The following RNF126 variants were observed in gnomAD, a reference collection of about 807,000 sequenced individuals.
RNF126 encodes the protein ring finger protein 126, also known as E3 ubiquitin-protein ligase RNF126.
Under a neutral mutation model 41.9 loss-of-function variants are expected in RNF126, and 20 were observed. The observed-to-expected ratio is 0.48, with a 90% CI of 0.34 to 0.69. The LOEUF is 0.69. Among genes scored for constraint, RNF126 ranks in the 30% least tolerant of loss-of-function variants. RNF126 has a pLI of 0.01. For missense variants in RNF126, 433 were observed against 460.6 expected (o/e 0.94, Z 0.55); for synonymous variants, 239 against 202.9 (o/e 1.18, Z -1.51).
intron 7 of RNF126, 28 bp downstream of exon 7, chr19:648,854 C>G: frequency 7.4e-7 from 1 of 1,342,874 alleles, no homozygotes; most frequent in Non-Finnish European, 1.0e-6. Context: ...CTGTAATTCC[C>G]ACTACTCGGG....
At position 648,356 on chromosome 19, in the gene RNF126, T is replaced by TG; in HGVS notation, c.786+15dup. 4 of 174,898 alleles carry TG rather than the reference T, an allele frequency of 2.3e-5. No homozygotes were observed. Among genetic ancestry groups the TG allele is most frequent in the South Asian group, 5.5e-5 (1 of 18,212 alleles). 10.8% of individuals were successfully genotyped at this position (174,898 alleles called of 1,614,324 possible). The stretch of plus-strand genomic sequence containing the variant: ...GCCGCGGTCGGGGTGGGGGGGCGGG[T>TG]GGGCGGGGCACTCACCTGCTCCAGC... On this transcript the variant is annotated intron_variant, in intron 8 of 8. Coordinates refer to ENST00000292363, the MANE Select transcript of RNF126 (RefSeq NM_194460.3).
intron 1 of RNF126, among the ~76,000 whole-genome samples, chr19:658,905 G>A (rs1427345600): frequency 6.6e-6 from 1 of 152,198 alleles, no homozygotes; most frequent in Admixed American, 6.5e-5. Flanking sequence ...GGTCCTCATG[G>A]TGGCAGAGTT....
rs72974194 is a variant in RNF126 at position 655,798 on chromosome 19, A to C, written c.76-2914T>G. The stretch of plus-strand genomic sequence containing the variant: ...AGCACAGTTCATCATCGTCGTCGGC[A>C]GATGCAAACAGCTCCAGTGTCCACC... On this transcript the variant is annotated intron_variant, in intron 1 of 8. Coordinates refer to ENST00000292363, the MANE Select transcript of RNF126 (RefSeq NM_194460.3). 1.2e-3 allele frequency among the ~76,000 whole-genome samples: 187 copies of C among 152,302 alleles called. 2 individuals are homozygous for C. Among genetic ancestry groups the C allele is most frequent in the Admixed American group, 2.4e-3 (36 of 15,296 alleles).
At chr19:653,300 C>T (rs933035699) in intron 1 of RNF126, among the ~76,000 whole-genome samples, 2 of 152,216 alleles carry the variant, frequency 1.3e-5, no homozygotes, top group Admixed American at 1.3e-4. Flanking sequence ...GCACACAGCC[C>T]GTTCCCCTGG....
At chr19:661,640 C>G (rs927042315) in intron 1 of RNF126, among the ~76,000 whole-genome samples, 1 of 152,184 alleles carries the variant, frequency 6.6e-6, no homozygotes, top group Non-Finnish European at 1.5e-5. Flanking sequence ...ACTCGCTCCT[C>G]CTCTGTGACC....
intron 1 of RNF126, among the ~76,000 whole-genome samples, chr19:653,688 G>A (rs999877605): frequency 9.9e-5 from 15 of 152,204 alleles, no homozygotes; most frequent in South Asian, 2.1e-4. Context: ...GGTGCCTCCC[G>A]GCCTCACCAG....
chr19:657,952 C>A (rs1373198010), intron 1 of RNF126, among the ~76,000 whole-genome samples: 1 of 152,060 alleles, frequency 6.6e-6, no homozygotes. Context: ...GGGGCAGCTG[C>A]AGGTAGAAAC....
At chr19:652,428 C>CGTGGCCGGCTCTGGTCTGTGGG in intron 2 of RNF126, 132 bp from the exon 3 acceptor site, 1 of 810,856 alleles carries the variant, frequency 1.2e-6, no homozygotes. Context: ...GCCACCGCCC[C>CGTGGCCGGCTCTGGTCTGTGGG]AGCATTTGGT....
At chr19:658,007 G>A (rs1291557535) in intron 1 of RNF126, among the ~76,000 whole-genome samples, 2 of 152,002 alleles carry the variant, frequency 1.3e-5, no homozygotes, top group African/African-American at 4.8e-5. Context: ...CACCTTCTCC[G>A]GGGGCAGCAC....
chr19:649,499 A>G (rs1363809844), intron 6 of RNF126, 180 bp downstream of exon 6: 2 of 590,374 alleles, frequency 3.4e-6, no homozygotes, highest in Non-Finnish European at 3.0e-6. Context: ...AGTTGCCAAG[A>G]CTCAGAAATG....
chr19:653,687 C>T (rs541584110), intron 1 of RNF126, among the ~76,000 whole-genome samples: 1 of 152,230 alleles, frequency 6.6e-6, no homozygotes, highest in Non-Finnish European at 1.5e-5. Flanking sequence ...TGGTGCCTCC[C>T]GGCCTCACCA....
chr19:655,400 G>T (rs1049133316), intron 1 of RNF126, among the ~76,000 whole-genome samples: 1 of 151,778 alleles, frequency 6.6e-6, no homozygotes, highest in African/African-American at 2.4e-5. Context: ...GCAGGAGAAC[G>T]GCTTGAACCT....
At chr19:650,458 C>A (rs2030222849) in intron 4 of RNF126, 162 bp from the exon 5 acceptor site, 2 of 613,952 alleles carry the variant, frequency 3.3e-6, no homozygotes, top group Admixed American at 3.1e-5. Context: ...CACTCTAATG[C>A]CGAGGCAGGA....
chr19:648,982 G>C lies in RNF126; in HGVS notation c.577-7C>G. ...TTTCAAACTGATTGAGGAGCTGAAA[G>C]ACAAGAGGCGAGAGTGCCGGGAGCT... On this transcript the variant is annotated splice_region_variant and splice_polypyrimidine_tract_variant and intron_variant, in intron 6 of 8. Coordinates refer to ENST00000292363, the MANE Select transcript of RNF126 (RefSeq NM_194460.3). The C allele has an allele frequency of 7.2e-7, 1 of 1,380,782 alleles. No individual in the cohort carries two copies. Among genetic ancestry groups the C allele is most frequent in the Non-Finnish European group, 9.4e-7 (1 of 1,062,006 alleles). 85.5% of individuals were successfully genotyped at this position (1,380,782 alleles called of 1,614,324 possible).
In RNF126 at chr19:648,017, G is replaced by A. The variant is rs1027803391; in HGVS notation, c.*111C>T. On this transcript the variant is annotated 3_prime_UTR_variant, in exon 9 of 9. Coordinates refer to ENST00000292363, the MANE Select transcript of RNF126 (RefSeq NM_194460.3). ...CCCTGGAACAGGCGGGACCTGCAGC[G>A]CTGACCAGCCAAGCGTGGCGCCGCC... 3.0e-5 allele frequency: 39 copies of A among 1,286,550 alleles called. No individual in the cohort carries two copies. Among genetic ancestry groups the A allele is most frequent in the South Asian group, 4.6e-5 (3 of 65,428 alleles). 79.7% of individuals were successfully genotyped at this position (1,286,550 alleles called of 1,614,324 possible). A position where few individuals can be genotyped will look rare whatever the true frequency, so the allele number is the denominator to read the frequency against.
intron 1 of RNF126, among the ~76,000 whole-genome samples, chr19:657,918 G>A (rs1280878855): frequency 6.6e-6 from 1 of 152,108 alleles, no homozygotes; most frequent in Admixed American, 6.5e-5. Flanking sequence ...ACAGCCAAGA[G>A]ACCGCTTGGT....
Position 647,981 on chromosome 19 carries a change from C to T in RNF126, c.*147G>A, listed in dbSNP as rs1000807562. On this transcript the variant is annotated 3_prime_UTR_variant, in exon 9 of 9. Coordinates refer to ENST00000292363, the MANE Select transcript of RNF126 (RefSeq NM_194460.3). The stretch of plus-strand genomic sequence containing the variant: ...CAAGCCAGGGGGCCGGTGGGCCGGG[C>T]CCGGGTCCTGCCCTGGAACAGGCGG... The T allele has an allele frequency of 9.7e-7, 1 of 1,029,872 alleles. No homozygotes were observed. Among genetic ancestry groups the T allele is most frequent in the Non-Finnish European group, 1.4e-6 (1 of 730,040 alleles). The allele number at this position is 1,029,872 out of a possible 1,614,324, so 63.8% of individuals were successfully genotyped here.
chr19:652,552 T>C (rs1481021551), intron 2 of RNF126: 3 of 601,334 alleles, frequency 5.0e-6, no homozygotes, highest in African/African-American at 3.7e-5. Context: ...CCGTGGCCCC[T>C]TCCCCGGAGG....
intron 2 of RNF126, 41 bp downstream of exon 2, chr19:652,785 C>A (rs533172800): frequency 1.9e-6 from 3 of 1,587,856 alleles, no homozygotes; most frequent in Non-Finnish European, 1.7e-6. Context: ...AGCTGAGGCC[C>A]GGCTGGCTCT....
Sources: allele counts gnomAD v4.1 joint callset (sites outside exome capture counted in the v4.1 genomes callset), GRCh38; gene constraint gnomAD v4.1.1; transcripts MANE v1.5; gene names NCBI Gene and HGNC (gene_info 2026-07-23, HGNC 2026-07-21).